PCDHA3: variants seen among roughly 807,000 people sequenced by gnomAD.
PCDHA3 encodes the protein protocadherin alpha 3, also known as protocadherin alpha-3.
Under a neutral mutation model 62.2 loss-of-function variants are expected in PCDHA3, and 41 were observed. The observed-to-expected ratio is 0.66, with a 90% CI of 0.51 to 0.86. The LOEUF (loss-of-function observed/expected upper bound fraction) is 0.86, where lower values mean the gene tolerates loss of function less well. Among genes scored for constraint, PCDHA3 ranks in the 40% least tolerant of loss-of-function variants. The probability of loss-of-function intolerance (pLI) is 0.00; values close to 1 mark genes in which losing one functional copy is unlikely to be tolerated. For synonymous variants in PCDHA3, 640 were observed against 555.4 expected (o/e 1.15, Z -2.14); for missense variants, 1,304 against 1,241.2 (o/e 1.05, Z -0.76).
intron 1 of PCDHA3, chr5:140,930,381 A>G (rs569032116): frequency 2.0e-5 from 3 of 152,008 alleles, no homozygotes; most frequent in East Asian, 3.9e-4. Flanking sequence ...GGCCCTTGGC[A>G]TTTCAAAACT....
chr5:140,811,630 T>G (rs1764925222), intron 1 of PCDHA3: 1 of 152,238 alleles, frequency 6.6e-6, no homozygotes. Context: ...TGTAAAAGCG[T>G]TACTATTTCT....
At chr5:140,999,526 C>A (rs1429753507) in intron 3 of PCDHA3, among the ~76,000 whole-genome samples, 2 of 152,026 alleles carry the variant, frequency 1.3e-5, no homozygotes, top group Non-Finnish European at 2.9e-5. Context: ...TTTGTTACCC[C>A]CTGGATATGA....
chr5:140,901,229 T>C (rs1394148058), intron 1 of PCDHA3, among the ~76,000 whole-genome samples: 1 of 152,166 alleles, frequency 6.6e-6, no homozygotes, highest in African/African-American at 2.4e-5. Context: ...ATCCCATATA[T>C]CCATTTTTTT....
chr5:140,863,393 C>T (rs782189753), intron 1 of PCDHA3: 2 of 924,736 alleles, frequency 2.2e-6, no homozygotes, highest in African/African-American at 1.7e-5. Context: ...TCGTGCATGC[C>T]GGGCAAGCCC....
intron 1 of PCDHA3, chr5:140,855,842 A>G (rs1384044109): frequency 2.0e-5 from 13 of 639,106 alleles, no homozygotes; most frequent in Non-Finnish European, 3.4e-5. Flanking sequence ...ACTTACACCT[A>G]AAGCCACCGG....
chr5:140,857,727 AC>A, intron 1 of PCDHA3: 1 of 1,597,294 alleles, frequency 6.3e-7, no homozygotes, highest in Non-Finnish European at 8.6e-7. Context: ...GAGAACGACA[AC>A]GCTCCCGCGC....
intron 1 of PCDHA3, among the ~76,000 whole-genome samples, chr5:140,912,343 AT>A (rs35252606): frequency 0.42 from 59,775 of 143,548 alleles, 12,483 homozygotes; most frequent in African/African-American, 0.57. Context: ...TACACTAAGT[AT>A]TTTTTTTTTT....
In PCDHA3 at chr5:140,843,453, T is replaced by A. The variant is rs1554140092; in HGVS notation, c.2394+39862T>A. Reference sequence around the variant, plus strand: ...GCCATCTGCGCGGTATCCAGCCTGCTGGTGCTCACGCTGCTGCTGTACACT... The same window carrying A: ...GCCATCTGCGCGGTATCCAGCCTGCAGGTGCTCACGCTGCTGCTGTACACT... On this transcript the variant is annotated intron_variant, in intron 1 of 3. Coordinates refer to ENST00000522353, the MANE Select transcript of PCDHA3 (RefSeq NM_018906.3). 5.6e-6 allele frequency: 9 copies of A among 1,596,126 alleles called. No individual in the cohort carries two copies. Among genetic ancestry groups the A allele is most frequent in the Non-Finnish European group, 7.7e-6 (9 of 1,165,636 alleles).
intron 3 of PCDHA3, among the ~76,000 whole-genome samples, chr5:141,004,093 C>T (rs1016954345): frequency 1.3e-5 from 2 of 152,164 alleles, no homozygotes; most frequent in African/African-American, 4.8e-5. Flanking sequence ...GTGCTTCTTC[C>T]GTTTTCATCT....
chr5:140,943,346 G>C (rs2153662502), intron 1 of PCDHA3, among the ~76,000 whole-genome samples: 1 of 151,738 alleles, frequency 6.6e-6, no homozygotes, highest in East Asian at 1.9e-4. Context: ...GACAGGATGA[G>C]AGTAGAGGAA....
At chr5:140,985,851 TG>T (rs1269261138) in intron 3 of PCDHA3, among the ~76,000 whole-genome samples, 1 of 149,322 alleles carries the variant, frequency 6.7e-6, no homozygotes, top group Non-Finnish European at 1.5e-5. Flanking sequence ...GCCACTCTCC[TG>T]CCTCAGCCTC....
rs782026526 is a variant in PCDHA3, at chr5:140,857,844, ACT to A, written c.2394+54256_2394+54257del. The stretch of plus-strand genomic sequence containing the variant: ...GCTAAGGTGCGCGCAGTGGACGCTG[ACT>A]CTGGATACAACGCGTGGCTGTCGTA... On this transcript the variant is annotated intron_variant, in intron 1 of 3. Transcript: ENST00000522353. 1.0e-5 allele frequency: 16 copies of A among 1,596,614 alleles called. No homozygotes were observed. In the Admixed American group the frequency reaches 1.2e-4, roughly 12 times the overall value.
intron 1 of PCDHA3, among the ~76,000 whole-genome samples, chr5:140,906,153 A>G (rs2072404848): frequency 6.6e-6 from 1 of 152,142 alleles, no homozygotes; most frequent in Non-Finnish European, 1.5e-5. Flanking sequence ...ACCCTCACAG[A>G]CACACCCAGG....
At chr5:140,996,296 T>C (rs1252218880) in intron 3 of PCDHA3, among the ~76,000 whole-genome samples, 1 of 152,158 alleles carries the variant, frequency 6.6e-6, no homozygotes, top group African/African-American at 2.4e-5. Context: ...GAAGCACAGA[T>C]TGTAACAAAG....
At chr5:140,810,669 T>C (rs1390570717) in intron 1 of PCDHA3, 1 of 99,100 alleles carries the variant, frequency 1.0e-5, no homozygotes, top group Middle Eastern at 5.4e-3. Flanking sequence ...GTTTTTCTTT[T>C]CTTTTTTCTC....
chr5:140,987,363 T>C (rs1269772618), intron 3 of PCDHA3, among the ~76,000 whole-genome samples: 1 of 152,218 alleles, frequency 6.6e-6, no homozygotes, highest in Non-Finnish European at 1.5e-5. Flanking sequence ...GGTTGTCTTA[T>C]ATCATTACAG....
intron 3 of PCDHA3, among the ~76,000 whole-genome samples, chr5:140,998,381 G>A (rs932010146): frequency 4.6e-5 from 7 of 152,144 alleles, no homozygotes; most frequent in Non-Finnish European, 2.9e-5. Flanking sequence ...TCTCTAGAAA[G>A]TTTAATGCCA....
In PCDHA3 at chr5:140,802,246, T is replaced by C; in HGVS notation, c.1049T>C (p.Leu350Ser). ...GACATCAATGATAATGTACCTGAGTTAGTTATTCAATCACTATCTTTACCT... is the reference window on the plus strand; with the variant it reads ...GACATCAATGATAATGTACCTGAGTCAGTTATTCAATCACTATCTTTACCT... ...IVDINDNVPE[L>S]VIQSLSLPVL... The change falls in exon 1 of 4, where the codon TTA (leucine) becomes TCA (serine). Residue 350 changes from leucine to serine, a missense_variant. Transcript: ENST00000522353. 1.2e-6 allele frequency: 2 copies of C among 1,614,230 alleles called. No individual in the cohort carries two copies. Among genetic ancestry groups the C allele is most frequent in the Non-Finnish European group, 1.7e-6 (2 of 1,180,030 alleles).
chr5:140,807,523 G>T (rs1187036014), intron 1 of PCDHA3: 1 of 1,613,986 alleles, frequency 6.2e-7, no homozygotes, highest in Non-Finnish European at 8.5e-7. Flanking sequence ...TCGTAGACAG[G>T]CCGCTGCAGG....
Sources: gnomAD v4.1 joint callset for allele counts (sites outside exome capture counted in the v4.1 genomes callset) on GRCh38, gnomAD v4.1.1 for gene constraint, MANE v1.5 for transcripts, NCBI Gene and HGNC (gene_info 2026-07-23, HGNC 2026-07-21) for gene names.